Variants in XKR6 observed in about 807,000 individuals in gnomAD.
The protein encoded by XKR6 is XK-related protein 6.
In XKR6, 22 loss-of-function variants were observed where a neutral mutation model predicts 56.7. That is an observed-to-expected ratio of 0.39 (90% CI 0.28 to 0.55). The LOEUF (loss-of-function observed/expected upper bound fraction) is 0.55, where lower values mean the gene tolerates loss of function less well. Ranked by LOEUF, XKR6 falls within the 20% of genes least tolerant of loss-of-function variation. The pLI is 0.66. For synonymous variants in XKR6, 524 were observed against 387.8 expected, an observed-to-expected ratio of 1.35 and a Z score of -4.13; for missense variants, 852 against 889.0, an observed-to-expected ratio of 0.96 and a Z score of 0.53.
chr8:11,071,273 A>G (rs1291525434), intron 1 of XKR6, among the ~76,000 whole-genome samples: 1 of 151,944 alleles, frequency 6.6e-6, no homozygotes, highest in Non-Finnish European at 1.5e-5. Flanking sequence ...AAGTTTTGCT[A>G]TTGTTGTCCA....
chr8:11,048,063 C>A (rs1479747737), intron 1 of XKR6, among the ~76,000 whole-genome samples: 1 of 152,150 alleles, frequency 6.6e-6, no homozygotes, highest in East Asian at 1.9e-4. Context: ...TTTAGCAACC[C>A]AGAGTGATAA....
intron 1 of XKR6, among the ~76,000 whole-genome samples, chr8:10,932,528 A>C (rs1801084521): frequency 6.0e-5 from 8 of 133,426 alleles, no homozygotes; most frequent in South Asian, 2.5e-4. Context: ...GCACCCACTA[A>C]CTCGTCATCT....
intron 1 of XKR6, among the ~76,000 whole-genome samples, chr8:11,002,073 A>C (rs1239965042): frequency 1.4e-5 from 2 of 141,730 alleles, no homozygotes; most frequent in African/African-American, 5.5e-5. Flanking sequence ...GTTAAAAAAA[A>C]AAAAAAAACA....
At chr8:10,943,199 G>A (rs768449885) in intron 1 of XKR6, among the ~76,000 whole-genome samples, 2 of 152,182 alleles carry the variant, frequency 1.3e-5, no homozygotes, top group Non-Finnish European at 2.9e-5. Context: ...CATACCATTC[G>A]CAGATCTCAG....
chr8:11,162,550 A>C (rs1801865871), intron 1 of XKR6, among the ~76,000 whole-genome samples: 1 of 152,240 alleles, frequency 6.6e-6, no homozygotes, highest in South Asian at 2.1e-4. Context: ...AAAGCAGCTA[A>C]ATTGCAAAGT....
chr8:11,072,977 G>C (rs371519367), intron 1 of XKR6, among the ~76,000 whole-genome samples: 1 of 152,092 alleles, frequency 6.6e-6, no homozygotes, highest in Admixed American at 6.5e-5. Context: ...TTCAACCTGG[G>C]AGGCGGAGGG....
chr8:11,102,007 C>A (rs912553853), intron 1 of XKR6, among the ~76,000 whole-genome samples: 3 of 152,082 alleles, frequency 2.0e-5, no homozygotes, highest in African/African-American at 7.2e-5. Flanking sequence ...GCGGGAGAAA[C>A]GAGGAGGATG....
intron 1 of XKR6, among the ~76,000 whole-genome samples, chr8:10,943,513 C>A (rs1003494784): frequency 1.3e-5 from 2 of 152,134 alleles, no homozygotes; most frequent in African/African-American, 2.4e-5. Context: ...CTCCTGCTGT[C>A]CCCTCTGCCT....
chr8:11,062,682 T>C (rs1799865616), intron 1 of XKR6: 2 of 452,326 alleles, frequency 4.4e-6, no homozygotes. Flanking sequence ...TGTGATCTGG[T>C]TTTTAGTTAG....
At chr8:11,122,608 T>C (rs369875573) in intron 1 of XKR6, among the ~76,000 whole-genome samples, 4 of 152,242 alleles carry the variant, frequency 2.6e-5, no homozygotes, top group African/African-American at 9.6e-5. Context: ...AGATATTCTT[T>C]AGATATCAGG....
At chr8:10,957,516 G>T (rs10107544) in intron 1 of XKR6, among the ~76,000 whole-genome samples, 15,509 of 152,208 alleles carry the variant, frequency 0.1, 1,600 homozygotes, top group African/African-American at 0.26. Context: ...AGTGACTGGG[G>T]ATGATACATC....
chr8:11,136,504 C>CAA (rs34465755), intron 1 of XKR6, among the ~76,000 whole-genome samples: 80 of 111,350 alleles, frequency 7.2e-4, no homozygotes, highest in Admixed American at 2.5e-3. Context: ...AACTCTGTCT[C>CAA]AAAAAAAAAA....
chr8:11,099,457 C>T (rs1798385312), intron 1 of XKR6, among the ~76,000 whole-genome samples: 1 of 152,236 alleles, frequency 6.6e-6, no homozygotes, highest in Non-Finnish European at 1.5e-5. Flanking sequence ...AGAGAAGGGG[C>T]TGGAGGCAGG....
intron 1 of XKR6, among the ~76,000 whole-genome samples, chr8:10,950,722 T>C (rs1334953511): frequency 6.6e-6 from 1 of 152,192 alleles, no homozygotes; most frequent in East Asian, 1.9e-4. Context: ...GGCGAGAACA[T>C]ACAATCCAGT....
intron 1 of XKR6, among the ~76,000 whole-genome samples, chr8:11,038,062 T>TA (rs1799191478): frequency 1.3e-5 from 2 of 151,486 alleles, no homozygotes; most frequent in African/African-American, 2.4e-5. Flanking sequence ...CTAAGACTAA[T>TA]GTCTAAGACA....
chr8:10,947,029 G>T (rs1801572411), intron 1 of XKR6, among the ~76,000 whole-genome samples: 1 of 152,164 alleles, frequency 6.6e-6, no homozygotes, highest in Non-Finnish European at 1.5e-5. Flanking sequence ...TGGGAGCACA[G>T]ATGCATGCAG....
chr8:11,185,063 G>A (rs779329782), intron 1 of XKR6, among the ~76,000 whole-genome samples: 1 of 152,230 alleles, frequency 6.6e-6, no homozygotes, highest in African/African-American at 2.4e-5. Context: ...GGGCACATTA[G>A]GTTTATTAAC....
chr8:11,023,979 T>A (rs1011159570), intron 1 of XKR6, among the ~76,000 whole-genome samples: 1 of 152,174 alleles, frequency 6.6e-6, no homozygotes, highest in Non-Finnish European at 1.5e-5. Flanking sequence ...CAGATGAGCT[T>A]AGGAAGGTCC....
intron 1 of XKR6, chr8:11,129,002 G>C (rs1194928917): frequency 2.2e-6 from 1 of 456,240 alleles, no homozygotes; most frequent in Non-Finnish European, 4.4e-6. Context: ...GTTCTCTCTT[G>C]TTAACTGAGG....
Sources: gnomAD v4.1 joint callset for allele counts (sites outside exome capture counted in the v4.1 genomes callset) on GRCh38, gnomAD v4.1.1 for gene constraint, MANE v1.5 for transcripts, NCBI Gene and HGNC (gene_info 2026-07-23, HGNC 2026-07-21) for gene names.